The following CSMD1 variants were observed in gnomAD, a reference collection of about 807,000 sequenced individuals.
CSMD1 encodes the protein CUB and Sushi multiple domains 1.
A neutral mutation model predicts 417.5 loss-of-function variants in CSMD1; 213 were observed. That is an observed-to-expected ratio of 0.51 (90% CI 0.46 to 0.57). The LOEUF is 0.57. Ranked by LOEUF, CSMD1 falls within the 20% of genes least tolerant of loss-of-function variation. CSMD1 has a pLI of 0.00. For missense variants in CSMD1, 6,923 were observed against 4,529.7 expected (o/e 1.53, Z -15.17); for synonymous variants, 2,862 against 1,736.8 (o/e 1.65, Z -16.11).
intron 5 of CSMD1, among the ~76,000 whole-genome samples, chr8:3,807,414 A>G (rs1800807510): frequency 1.5e-5 from 2 of 137,336 alleles, no homozygotes; most frequent in South Asian, 4.6e-4. Context: ...TCAGCAGAGG[A>G]TGTTTTCTCT....
chr8:3,833,935 T>C (rs1802517487), intron 5 of CSMD1, among the ~76,000 whole-genome samples: 1 of 152,144 alleles, frequency 6.6e-6, no homozygotes, highest in African/African-American at 2.4e-5. Flanking sequence ...GTATTATTGG[T>C]TGGTTGTTGC....
chr8:4,423,678 A>C (rs2128941904), intron 2 of CSMD1, among the ~76,000 whole-genome samples: 1 of 152,158 alleles, frequency 6.6e-6, no homozygotes, highest in East Asian at 1.9e-4. Flanking sequence ...AATCCCAGCA[A>C]GAATTTTTGG....
intron 2 of CSMD1, among the ~76,000 whole-genome samples, chr8:4,428,138 A>G (rs565929046): frequency 9.2e-5 from 14 of 152,186 alleles, no homozygotes; most frequent in Non-Finnish European, 1.8e-4. Flanking sequence ...TCCTCTCCAA[A>G]GCACCCACCA....
intron 3 of CSMD1, among the ~76,000 whole-genome samples, chr8:4,173,947 G>C (rs189021340): frequency 2.1e-4 from 32 of 152,178 alleles, no homozygotes; most frequent in African/African-American, 7.0e-4. Context: ...CCTCAGCCTT[G>C]AAACAAAAAC....
intron 26 of CSMD1, among the ~76,000 whole-genome samples, chr8:3,245,831 T>G (rs1056147634): frequency 1.7e-4 from 26 of 152,316 alleles, no homozygotes; most frequent in African/African-American, 6.0e-4. Flanking sequence ...TGAGAACAAG[T>G]CTGTAATGAC....
intron 3 of CSMD1, among the ~76,000 whole-genome samples, chr8:4,398,526 T>C (rs35583515): frequency 6.6e-6 from 1 of 151,298 alleles, no homozygotes; most frequent in Non-Finnish European, 1.5e-5. Flanking sequence ...CCCGAGTAGG[T>C]GGGACTACAG....
intron 3 of CSMD1, among the ~76,000 whole-genome samples, chr8:4,103,229 A>G (rs896599926): frequency 6.8e-6 from 1 of 146,700 alleles, no homozygotes; most frequent in Non-Finnish European, 1.5e-5. Flanking sequence ...AATTATATAC[A>G]TATAAATCTA....
intron 26 of CSMD1, among the ~76,000 whole-genome samples, chr8:3,273,386 A>T (rs1802020761): frequency 6.6e-6 from 1 of 152,052 alleles, no homozygotes; most frequent in African/African-American, 2.4e-5. Flanking sequence ...TATTGGTCTA[A>T]AATTCTCTTT....
intron 3 of CSMD1, among the ~76,000 whole-genome samples, chr8:4,398,633 G>A (rs1209359355): frequency 2.0e-5 from 3 of 152,036 alleles, no homozygotes; most frequent in Admixed American, 6.6e-5. Flanking sequence ...CTGACCTCCT[G>A]ATCTGCCCCT....
intron 57 of CSMD1, among the ~76,000 whole-genome samples, 158 bp from the exon 58 acceptor site, chr8:2,966,904 T>A (rs1804011501): frequency 6.6e-6 from 1 of 152,224 alleles, no homozygotes; most frequent in Admixed American, 6.5e-5. Context: ...TGGCTTACTA[T>A]GGCTCATATG....
At chr8:3,667,486 G>C (rs1322258112) in intron 7 of CSMD1, among the ~76,000 whole-genome samples, 1 of 152,198 alleles carries the variant, frequency 6.6e-6, no homozygotes, top group South Asian at 2.1e-4. Flanking sequence ...ACAATGCAGG[G>C]CCAGGGTGGC....
chr8:3,587,737 C>G (rs1391762387), intron 8 of CSMD1, among the ~76,000 whole-genome samples: 2 of 152,102 alleles, frequency 1.3e-5, no homozygotes, highest in Non-Finnish European at 2.9e-5. Context: ...AGGGGCATCT[C>G]ATCTTAATAA....
At chr8:4,876,413 G>A (rs1002439338) in intron 1 of CSMD1, among the ~76,000 whole-genome samples, 2 of 151,924 alleles carry the variant, frequency 1.3e-5, no homozygotes, top group African/African-American at 4.8e-5. Flanking sequence ...GAGTACAAGT[G>A]GCCTGTTTTT....
At chr8:3,847,074 G>T (rs1239931885) in intron 5 of CSMD1, among the ~76,000 whole-genome samples, 1 of 152,090 alleles carries the variant, frequency 6.6e-6, no homozygotes, top group Non-Finnish European at 1.5e-5. Flanking sequence ...TTCCAGGGTG[G>T]GGGAAGGCAG....
chr8:4,124,959 T>G (rs1371121846), intron 3 of CSMD1, among the ~76,000 whole-genome samples: 1 of 152,132 alleles, frequency 6.6e-6, no homozygotes, highest in East Asian at 1.9e-4. Flanking sequence ...CCCTTCCACC[T>G]CTTGGAAGTT....
intron 20 of CSMD1, among the ~76,000 whole-genome samples, chr8:3,359,585 G>C (rs559138239): frequency 2.6e-5 from 4 of 150,966 alleles, no homozygotes; most frequent in African/African-American, 7.3e-5. Flanking sequence ...AGAATTACTA[G>C]AGGCTGGGAA....
intron 5 of CSMD1, among the ~76,000 whole-genome samples, chr8:3,755,282 C>G (rs1797594284): frequency 6.6e-6 from 1 of 152,150 alleles, no homozygotes; most frequent in South Asian, 2.1e-4. Flanking sequence ...TTATGAACCT[C>G]TGTTACCCAT....
intron 23 of CSMD1, among the ~76,000 whole-genome samples, chr8:3,320,634 A>G (rs1806090606): frequency 6.6e-6 from 1 of 152,186 alleles, no homozygotes; most frequent in African/African-American, 2.4e-5. Flanking sequence ...GACAGCCTCA[A>G]CTAGACCACC....
intron 3 of CSMD1, among the ~76,000 whole-genome samples, chr8:4,104,696 C>T (rs1297172601): frequency 6.6e-6 from 1 of 152,166 alleles, no homozygotes; most frequent in Non-Finnish European, 1.5e-5. Context: ...CAGGCGGTTT[C>T]ACACAATAGC....
Sources: gnomAD v4.1 joint callset for allele counts (sites outside exome capture counted in the v4.1 genomes callset) on GRCh38, gnomAD v4.1.1 for gene constraint, MANE v1.5 for transcripts, NCBI Gene and HGNC (gene_info 2026-07-23, HGNC 2026-07-21) for gene names.